The following INSYN2B variants were observed in gnomAD, a reference collection of about 807,000 sequenced individuals.
INSYN2B encodes the protein inhibitory synaptic factor family member 2B.
Under a neutral mutation model 41.2 loss-of-function variants are expected in INSYN2B, and 16 were observed. The ratio of observed to expected loss-of-function variants is 0.39; its 90% confidence interval spans 0.26 to 0.59. INSYN2B has a LOEUF of 0.59. INSYN2B is among the 20% of genes least tolerant of loss of function. The probability of loss-of-function intolerance (pLI) is 0.57; values close to 1 mark genes in which losing one functional copy is unlikely to be tolerated. For missense variants in INSYN2B, 608 were observed against 646.4 expected, an observed-to-expected ratio of 0.94 and a Z score of 0.64; for synonymous variants, 245 against 244.4, an observed-to-expected ratio of 1.00 and a Z score of -0.02.
At chr5:169,927,569 A>T (rs980443860) in intron 1 of INSYN2B, among the ~76,000 whole-genome samples, 1 of 152,232 alleles carries the variant, frequency 6.6e-6, no homozygotes, top group Non-Finnish European at 1.5e-5. Flanking sequence ...AGAATCAAAG[A>T]TAATTCTAAA....
intron 3 of INSYN2B, 55 bp from the exon 4 acceptor site, chr5:169,864,514 T>C (rs1478950341): frequency 6.7e-6 from 9 of 1,339,110 alleles, no homozygotes; most frequent in Admixed American, 2.7e-5. Flanking sequence ...CACAGACTGA[T>C]TAAGCATCTC....
intron 1 of INSYN2B, among the ~76,000 whole-genome samples, chr5:169,893,047 C>T (rs1012961217): frequency 6.6e-6 from 1 of 152,188 alleles, no homozygotes; most frequent in Non-Finnish European, 1.5e-5. Flanking sequence ...TCCTCTCTAG[C>T]CCCTTCTCTT....
At chr5:169,918,593 A>C (rs1008801897) in intron 1 of INSYN2B, among the ~76,000 whole-genome samples, 10 of 152,270 alleles carry the variant, frequency 6.6e-5, no homozygotes, top group African/African-American at 1.9e-4. Context: ...ATATTGTCCA[A>C]TATGATACTG....
chr5:169,921,473 C>T (rs73325990), intron 1 of INSYN2B, among the ~76,000 whole-genome samples: 2 of 152,206 alleles, frequency 1.3e-5, no homozygotes, highest in East Asian at 3.8e-4. Flanking sequence ...TTCCCAAACA[C>T]ATTCCATGGA....
intron 1 of INSYN2B, among the ~76,000 whole-genome samples, chr5:169,890,628 A>T (rs549406720): frequency 9.3e-4 from 142 of 152,334 alleles, no homozygotes; most frequent in Middle Eastern, 6.8e-3. Context: ...TCAAAGAAAC[A>T]AAGGGAATTG....
At chr5:169,887,522 A>G (rs964037411) in intron 1 of INSYN2B, among the ~76,000 whole-genome samples, 1 of 152,200 alleles carries the variant, frequency 6.6e-6, no homozygotes, top group Non-Finnish European at 1.5e-5. Flanking sequence ...TGTTCACTGA[A>G]CAACCTGGAG....
At chr5:169,940,083 G>A (rs1395669964) in intron 1 of INSYN2B, among the ~76,000 whole-genome samples, 2 of 152,218 alleles carry the variant, frequency 1.3e-5, no homozygotes, top group Non-Finnish European at 2.9e-5. Flanking sequence ...GGCTGTGGGT[G>A]GGGAGAGGGG....
chr5:169,875,112 T>A, intron 3 of INSYN2B: 1 of 430,404 alleles, frequency 2.3e-6, no homozygotes, highest in Non-Finnish European at 4.7e-6. Flanking sequence ...CAAGTATTTT[T>A]TATTCATGGG....
chr5:169,958,958 G>T (rs1776971848), intron 1 of INSYN2B, among the ~76,000 whole-genome samples: 1 of 152,196 alleles, frequency 6.6e-6, no homozygotes, highest in Non-Finnish European at 1.5e-5. Flanking sequence ...GAATGAGGCA[G>T]GTTCCTAGAA....
chr5:169,916,682 T>G (rs1774891259), intron 1 of INSYN2B, among the ~76,000 whole-genome samples: 1 of 43,908 alleles, frequency 2.3e-5, no homozygotes, highest in Non-Finnish European at 3.8e-5. Flanking sequence ...TTTCAAAATA[T>G]GAGAGACTTT....
intron 1 of INSYN2B, among the ~76,000 whole-genome samples, chr5:169,979,773 T>C (rs1777875057): frequency 6.6e-6 from 1 of 152,188 alleles, no homozygotes; most frequent in Non-Finnish European, 1.5e-5. Context: ...TAGTGAGAAC[T>C]AAGAAATTAA....
intron 3 of INSYN2B, among the ~76,000 whole-genome samples, chr5:169,878,716 C>G (rs1772467168): frequency 6.6e-6 from 1 of 152,174 alleles, no homozygotes; most frequent in South Asian, 2.1e-4. Flanking sequence ...TGGTGGCATT[C>G]ACTCAACCCT....
At chr5:169,966,615 TC>T (rs1397560578) in intron 1 of INSYN2B, among the ~76,000 whole-genome samples, 3 of 152,134 alleles carry the variant, frequency 2.0e-5, no homozygotes, top group South Asian at 4.2e-4. Context: ...AGGACCTGGC[TC>T]CATACCCTTA....
chr5:169,931,235 A>T (rs983775732), intron 1 of INSYN2B, among the ~76,000 whole-genome samples: 1 of 152,226 alleles, frequency 6.6e-6, no homozygotes, highest in African/African-American at 2.4e-5. Flanking sequence ...TGTGCATCCC[A>T]AAGACGACCA....
chr5:169,936,549 G>T (rs1475385797), intron 1 of INSYN2B, among the ~76,000 whole-genome samples: 4 of 150,036 alleles, frequency 2.7e-5, no homozygotes, highest in Non-Finnish European at 4.4e-5. Flanking sequence ...TGGGCATGTT[G>T]GGGAGAATCA....
chr5:169,955,276 A>G (rs1776816529), intron 1 of INSYN2B, among the ~76,000 whole-genome samples: 1 of 152,174 alleles, frequency 6.6e-6, no homozygotes, highest in Non-Finnish European at 1.5e-5. Context: ...GCATCTGGAC[A>G]GTGCCAGGCC....
intron 1 of INSYN2B, among the ~76,000 whole-genome samples, chr5:169,914,916 T>C (rs1774792484): frequency 6.6e-6 from 1 of 152,260 alleles, no homozygotes; most frequent in African/African-American, 2.4e-5. Context: ...TCCTGTGCAT[T>C]GCTGTGGCCT....
intron 1 of INSYN2B, among the ~76,000 whole-genome samples, chr5:169,908,396 A>G (rs767934317): frequency 6.6e-6 from 1 of 152,200 alleles, no homozygotes. Flanking sequence ...CTCTAAGAAT[A>G]TGCTTTCCCC....
In INSYN2B at chr5:169,922,378, G is replaced by T. The variant is rs147177156; in HGVS notation, c.-918-37562C>A. ...TGTTAATACATAAAAATAATGTAAT[G>T]TAAATCATGTTATGCACTGCAGCAG... is the stretch of plus-strand genomic sequence containing the variant. On this transcript the variant is annotated intron_variant, in intron 1 of 3. Transcript: ENST00000377365. Among the ~76,000 whole-genome samples, 1,050 of 152,300 alleles carry T rather than the reference G, an allele frequency of 6.9e-3. 9 individuals are homozygous for T. Among genetic ancestry groups the T allele is most frequent in the African/African-American group, 0.024 (1,005 of 41,556 alleles).
Sources: allele counts gnomAD v4.1 joint callset (sites outside exome capture counted in the v4.1 genomes callset), GRCh38; gene constraint gnomAD v4.1.1; transcripts MANE v1.5; gene names NCBI Gene and HGNC (gene_info 2026-07-23, HGNC 2026-07-21).